The following SLC24A3 variants were observed in gnomAD, a reference collection of about 807,000 sequenced individuals.
SLC24A3 encodes sodium/potassium/calcium exchanger 3.
Under a neutral mutation model 75.8 loss-of-function variants are expected in SLC24A3, and 28 were observed. The observed-to-expected ratio is 0.37, with a 90% confidence interval of 0.27 to 0.51. The LOEUF (loss-of-function observed/expected upper bound fraction) is 0.51, where lower values mean the gene tolerates loss of function less well. Among genes scored for constraint, SLC24A3 ranks in the 20% least tolerant of loss-of-function variants. SLC24A3 has a pLI of 0.94. For synonymous variants in SLC24A3, 372 were observed against 334.1 expected (o/e 1.11, Z -1.24); for missense variants, 663 against 847.8 (o/e 0.78, Z 2.71).
chr20:19,272,709 T>C (rs1315801710), intron 1 of SLC24A3, among the ~76,000 whole-genome samples: 1 of 152,222 alleles, frequency 6.6e-6, no homozygotes, highest in East Asian at 1.9e-4. Flanking sequence ...CCTGGGATCT[T>C]TTCTGTACGC....
At chr20:19,718,676 C>T (rs1248220895) in intron 16 of SLC24A3, among the ~76,000 whole-genome samples, 1 of 152,178 alleles carries the variant, frequency 6.6e-6, no homozygotes, top group Non-Finnish European at 1.5e-5. Context: ...TGGCTAACCA[C>T]TAACTGGGCT....
At chr20:19,646,856 T>C (rs1328652770) in intron 6 of SLC24A3, among the ~76,000 whole-genome samples, 1 of 151,964 alleles carries the variant, frequency 6.6e-6, no homozygotes, top group Non-Finnish European at 1.5e-5. Context: ...TGTGTGCGTG[T>C]GTGTGTGTGT....
chr20:19,644,789 G>C (rs1431911748), intron 6 of SLC24A3, among the ~76,000 whole-genome samples: 1 of 152,168 alleles, frequency 6.6e-6, no homozygotes, highest in East Asian at 1.9e-4. Flanking sequence ...CCCTTCTCCA[G>C]GGGAAAATTA....
intron 2 of SLC24A3, among the ~76,000 whole-genome samples, chr20:19,288,300 C>G (rs1240347345): frequency 6.6e-6 from 1 of 152,196 alleles, no homozygotes; most frequent in Non-Finnish European, 1.5e-5. Flanking sequence ...AGAGGATTTT[C>G]TACTTTATAC....
intron 15 of SLC24A3, among the ~76,000 whole-genome samples, chr20:19,701,585 T>C (rs943718483): frequency 6.6e-6 from 1 of 152,158 alleles, no homozygotes; most frequent in Non-Finnish European, 1.5e-5. Context: ...CTCTACTCAG[T>C]CATACGTGAC....
At chr20:19,428,007 G>A (rs1394447055) in intron 2 of SLC24A3, among the ~76,000 whole-genome samples, 2 of 152,188 alleles carry the variant, frequency 1.3e-5, no homozygotes, top group Non-Finnish European at 2.9e-5. Context: ...ATCTTGCGTT[G>A]CTGTGCTCCT....
intron 2 of SLC24A3, among the ~76,000 whole-genome samples, chr20:19,416,729 C>T (rs1052057950): frequency 2.0e-5 from 3 of 152,196 alleles, no homozygotes; most frequent in Non-Finnish European, 4.4e-5. Flanking sequence ...AGGTTTGGAA[C>T]CAAGAACCTT....
intron 2 of SLC24A3, among the ~76,000 whole-genome samples, chr20:19,397,906 C>G (rs1017530437): frequency 1.3e-5 from 2 of 152,098 alleles, no homozygotes; most frequent in African/African-American, 4.8e-5. Context: ...AATGAGAAAG[C>G]TGACTATTCG....
At chr20:19,302,545 GT>G (rs1299586123) in intron 2 of SLC24A3, among the ~76,000 whole-genome samples, 3 of 152,168 alleles carry the variant, frequency 2.0e-5, no homozygotes, top group Non-Finnish European at 4.4e-5. Context: ...TGCACATCAA[GT>G]TGACATCCTT....
At chr20:19,443,445 T>C (rs1987328333) in intron 2 of SLC24A3, among the ~76,000 whole-genome samples, 2 of 152,212 alleles carry the variant, frequency 1.3e-5, no homozygotes, top group African/African-American at 2.4e-5. Context: ...ATATAAATGG[T>C]ATTATGATTT....
intron 9 of SLC24A3, among the ~76,000 whole-genome samples, chr20:19,677,189 G>A (rs567148927): frequency 6.6e-6 from 1 of 151,572 alleles, no homozygotes; most frequent in Non-Finnish European, 1.5e-5. Context: ...ACTGGGCACT[G>A]TAGTGCATGC....
At chr20:19,571,209 G>A (rs553359835) in intron 3 of SLC24A3, among the ~76,000 whole-genome samples, 1 of 152,282 alleles carries the variant, frequency 6.6e-6, no homozygotes, top group African/African-American at 2.4e-5. Flanking sequence ...CCCTACTGCA[G>A]GTGGGGAGGT....
In SLC24A3 at chr20:19,631,301, C is replaced by T. The variant is rs145024568; in HGVS notation, c.613-22761C>T. Reference sequence around the variant, plus strand: ...GATGGAGGTTGCAGTAAGCTGAGATCACACCGCTGTGCTCCAGCCTGGGTG... The same window carrying T: ...GATGGAGGTTGCAGTAAGCTGAGATTACACCGCTGTGCTCCAGCCTGGGTG... On this transcript the variant is annotated intron_variant, in intron 6 of 16. Transcript: ENST00000328041. 1.8e-3 allele frequency among the ~76,000 whole-genome samples: 280 copies of T among 152,294 alleles called. 2 individuals carry two copies. The highest frequency in any genetic ancestry group is 6.5e-3 in the African/African-American group (270 of 41,550).
chr20:19,446,444 A>G (rs933874065), intron 2 of SLC24A3, among the ~76,000 whole-genome samples: 5 of 152,246 alleles, frequency 3.3e-5, no homozygotes, highest in Non-Finnish European at 7.3e-5. Context: ...GGTCTTGGAT[A>G]TAGCCTCTGG....
intron 8 of SLC24A3, among the ~76,000 whole-genome samples, chr20:19,671,647 G>GT (rs531098573): frequency 9.6e-5 from 10 of 103,824 alleles, no homozygotes; most frequent in Admixed American, 1.7e-4. Flanking sequence ...TTTTTTTTTT[G>GT]TTTTTTTGTT....
chr20:19,382,679 G>A (rs1402093392), intron 2 of SLC24A3, among the ~76,000 whole-genome samples: 1 of 152,128 alleles, frequency 6.6e-6, no homozygotes, highest in African/African-American at 2.4e-5. Flanking sequence ...TAACCAAACT[G>A]CACAAATGTG....
chr20:19,719,665 T>C (rs1020997698), intron 16 of SLC24A3, among the ~76,000 whole-genome samples: 3 of 152,206 alleles, frequency 2.0e-5, no homozygotes, highest in Non-Finnish European at 4.4e-5. Context: ...ACCCACTTAA[T>C]GTCAGTGGTC....
At chr20:19,578,937 T>A (rs1468413789) in intron 3 of SLC24A3, among the ~76,000 whole-genome samples, 2 of 152,056 alleles carry the variant, frequency 1.3e-5, no homozygotes, top group African/African-American at 4.8e-5. Context: ...TCAGTGGCAA[T>A]GAGGGCTCCC....
At chr20:19,295,755 A>G (rs1048644718) in intron 2 of SLC24A3, among the ~76,000 whole-genome samples, 2 of 151,024 alleles carry the variant, frequency 1.3e-5, no homozygotes, top group African/African-American at 4.9e-5. Flanking sequence ...TCAGTTTGCC[A>G]GTATTTTATT....
Sources: allele counts gnomAD v4.1 joint callset (sites outside exome capture counted in the v4.1 genomes callset), GRCh38; gene constraint gnomAD v4.1.1; transcripts MANE v1.5; gene names NCBI Gene and HGNC (gene_info 2026-07-23, HGNC 2026-07-21).